DLGAP2: variants seen among roughly 807,000 people sequenced by gnomAD.
DLGAP2 encodes DLG associated protein 2.
DLGAP2 carries 26 observed loss-of-function variants against 100.3 expected under a neutral mutation model. That is an observed-to-expected ratio of 0.26 (90% CI 0.19 to 0.36). DLGAP2 has a LOEUF of 0.36. Among genes scored for constraint, DLGAP2 ranks in the 10% least tolerant of loss-of-function variants. DLGAP2 has a pLI of 1.00. For missense variants in DLGAP2, 1,858 were observed against 1,453.2 expected (o/e 1.28, Z -4.53); for synonymous variants, 886 against 630.1 (o/e 1.41, Z -6.08).
chr8:746,474 C>G (rs939781785), intron 1 of DLGAP2, among the ~76,000 whole-genome samples: 1 of 152,214 alleles, frequency 6.6e-6, no homozygotes, highest in Non-Finnish European at 1.5e-5. Flanking sequence ...GGCTCCAGAG[C>G]TGGGGGCGCA....
At chr8:1,572,054 C>G (rs1257430961) in intron 6 of DLGAP2, among the ~76,000 whole-genome samples, 1 of 126,450 alleles carries the variant, frequency 7.9e-6, no homozygotes. Context: ...GTGGGGATGT[C>G]TGATGAGATG....
intron 3 of DLGAP2, among the ~76,000 whole-genome samples, chr8:1,421,929 G>C (rs1797097661): frequency 6.6e-6 from 1 of 152,136 alleles, no homozygotes; most frequent in South Asian, 2.1e-4. Flanking sequence ...TCATGCCATT[G>C]CACTCTAGCC....
At chr8:985,194 G>C (rs995927863) in intron 2 of DLGAP2, among the ~76,000 whole-genome samples, 1 of 152,204 alleles carries the variant, frequency 6.6e-6, no homozygotes, top group Non-Finnish European at 1.5e-5. Flanking sequence ...AGAGGAAAGA[G>C]AAATCAGTGG....
At chr8:1,052,934 A>T (rs1271645997) in intron 2 of DLGAP2, among the ~76,000 whole-genome samples, 1 of 152,240 alleles carries the variant, frequency 6.6e-6, no homozygotes, top group East Asian at 1.9e-4. Flanking sequence ...GAACCAGGTG[A>T]TATCCAGGTT....
intron 2 of DLGAP2, among the ~76,000 whole-genome samples, chr8:1,202,969 G>C (rs905271239): frequency 1.3e-5 from 2 of 152,156 alleles, no homozygotes; most frequent in African/African-American, 4.8e-5. Context: ...CGACATCACG[G>C]TTTCCGTGTA....
chr8:1,582,977 C>T (rs534514615), intron 6 of DLGAP2, among the ~76,000 whole-genome samples: 3 of 152,102 alleles, frequency 2.0e-5, no homozygotes, highest in African/African-American at 7.2e-5. Flanking sequence ...CGTGCATTTG[C>T]GGAAATTCTT....
chr8:1,595,096 C>T (rs1053649475), intron 6 of DLGAP2, among the ~76,000 whole-genome samples: 14 of 151,818 alleles, frequency 9.2e-5, no homozygotes, highest in Non-Finnish European at 1.8e-4. Context: ...GGCTGGAGTG[C>T]AGGGCGTCAT....
At chr8:1,589,214 A>G (rs542926049) in intron 6 of DLGAP2, among the ~76,000 whole-genome samples, 2 of 152,354 alleles carry the variant, frequency 1.3e-5, no homozygotes, top group South Asian at 4.1e-4. Context: ...GAAAAACATT[A>G]GTTTCGTTGT....
At chr8:999,720 C>T (rs10100678) in intron 2 of DLGAP2, among the ~76,000 whole-genome samples, 23,791 of 152,070 alleles carry the variant, frequency 0.16, 2,397 homozygotes, top group Non-Finnish European at 0.23. Context: ...ACCTCGTGAT[C>T]CACCTGCCTG....
chr8:1,491,966 A>G lies in DLGAP2; in HGVS notation c.107-9400A>G, dbSNP rs1799403911. Among the ~76,000 whole-genome samples, 3 of 152,334 alleles carry G rather than the reference A, an allele frequency of 2.0e-5. No individual in the cohort carries two copies. The South Asian group carries it at 6.2e-4, about 32-fold the overall frequency. On this transcript the variant is annotated intron_variant, in intron 3 of 14. Coordinates refer to ENST00000637795, the MANE Select transcript of DLGAP2 (RefSeq NM_001346810.2). ...GAGGGGGTGACGAGTGCACCTGGTGACTGGAGCCGGGCTCCGCTGTCGTGC... is the reference window on the plus strand; with the variant it reads ...GAGGGGGTGACGAGTGCACCTGGTGGCTGGAGCCGGGCTCCGCTGTCGTGC...
intron 2 of DLGAP2, among the ~76,000 whole-genome samples, chr8:1,161,935 CGT>C (rs1796898224): frequency 6.6e-6 from 1 of 152,242 alleles, no homozygotes; most frequent in Non-Finnish European, 1.5e-5. Flanking sequence ...AGAGGAGATC[CGT>C]GTGCCAAGTC....
At chr8:1,156,368 G>A (rs540551998) in intron 2 of DLGAP2, among the ~76,000 whole-genome samples, 162 of 152,254 alleles carry the variant, frequency 1.1e-3, no homozygotes, top group African/African-American at 3.8e-3. Context: ...GGGAGGCGGC[G>A]GTGGCCTCAC....
chr8:1,321,681 C>G (rs948047754), intron 3 of DLGAP2, among the ~76,000 whole-genome samples: 2 of 152,298 alleles, frequency 1.3e-5, no homozygotes, highest in South Asian at 4.1e-4. Flanking sequence ...TTTAAAATCA[C>G]ATGCATAGAA....
At chr8:1,660,983 G>A (rs1259652676) in intron 8 of DLGAP2, among the ~76,000 whole-genome samples, 1 of 152,188 alleles carries the variant, frequency 6.6e-6, no homozygotes, top group East Asian at 1.9e-4. Context: ...CCGGAATCTT[G>A]CACTTCCTGT....
At chr8:872,436 C>T (rs1418738836) in intron 1 of DLGAP2, among the ~76,000 whole-genome samples, 8 of 150,878 alleles carry the variant, frequency 5.3e-5, no homozygotes, top group African/African-American at 1.7e-4. Flanking sequence ...CGGGTTCAAG[C>T]AACTGTCCTG....
At chr8:1,057,498 T>G (rs1329745453) in intron 2 of DLGAP2, among the ~76,000 whole-genome samples, 1 of 152,242 alleles carries the variant, frequency 6.6e-6, no homozygotes, top group African/African-American at 2.4e-5. Flanking sequence ...TAAATGGCAT[T>G]GCCTAAGAAT....
intron 2 of DLGAP2, among the ~76,000 whole-genome samples, chr8:1,192,786 A>G (rs1475919424): frequency 6.6e-6 from 1 of 151,494 alleles, no homozygotes; most frequent in Admixed American, 6.6e-5. Flanking sequence ...CTCCTCATTT[A>G]ACATTAGGTA....
chr8:894,337 C>T (rs1798097289), intron 1 of DLGAP2, among the ~76,000 whole-genome samples: 1 of 152,142 alleles, frequency 6.6e-6, no homozygotes, highest in Non-Finnish European at 1.5e-5. Context: ...GGCTGCCCTC[C>T]CCTCTGATGC....
chr8:936,574 TGACAGAACAC>T (rs1799076847), intron 2 of DLGAP2, among the ~76,000 whole-genome samples: 1 of 152,136 alleles, frequency 6.6e-6, no homozygotes, highest in Admixed American at 6.5e-5. Context: ...ACATGACGGA[TGACAGAACAC>T]GACTGAGGCA....
Sources: gnomAD v4.1 joint callset for allele counts (sites outside exome capture counted in the v4.1 genomes callset) on GRCh38, gnomAD v4.1.1 for gene constraint, MANE v1.5 for transcripts, NCBI Gene and HGNC (gene_info 2026-07-23, HGNC 2026-07-21) for gene names.